ATM: variants seen among roughly 807,000 people sequenced by gnomAD.
ATM encodes the protein ATM serine/threonine kinase.
Under a neutral mutation model 387.0 loss-of-function variants are expected in ATM, and 308 were observed. The observed-to-expected ratio is 0.80, with a 90% CI of 0.73 to 0.87. The LOEUF is 0.87. ATM is among the 40% of genes least tolerant of loss of function. The pLI, the probability that ATM is intolerant of heterozygous loss-of-function variation, is 0.00. For synonymous variants in ATM, 1,156 were observed against 1,187.3 expected, an observed-to-expected ratio of 0.97 and a Z score of 0.54; for missense variants, 3,312 against 3,560.9, an observed-to-expected ratio of 0.93 and a Z score of 1.78.
chr11:108,235,739 G>T lies in ATM; in HGVS notation c.401G>T (p.Gly134Val), dbSNP rs771166271. 1 of 1,612,364 alleles carries T rather than the reference G, an allele frequency of 6.2e-7. No individual in the cohort carries two copies. Among genetic ancestry groups the T allele is most frequent in the African/African-American group, 1.3e-5 (1 of 74,930 alleles). ...IMDTVKDSSN[G>V]AIYGADCSNI... ...GATACAGTGAAAGATTCATCTAATGGTGCTATTTACGGAGCTGATTGTAGC... is the reference window on the plus strand; with the variant it reads ...GATACAGTGAAAGATTCATCTAATGTTGCTATTTACGGAGCTGATTGTAGC... The change falls in exon 5 of 63, where the codon GGT becomes GTT. Residue 134 changes from glycine (G) to valine (V), a missense_variant. Gly to Val is a moderately radical substitution (Grantham distance 109). Around this residue, in one of 4 missense-constraint regions of ATM, gnomAD observed 1,791 missense variants for 1,804.5 expected, o/e 0.99. Transcript: ENST00000675843.
At chr11:108,332,119 A>G in intron 52 of ATM, 82 bp downstream of exon 52, 1 of 1,540,984 alleles carries the variant, frequency 6.5e-7, no homozygotes. Flanking sequence ...ATCTTGTGTT[A>G]TTAAGATGCC....
intron 1 of ATM, chr11:108,225,760 G>A (rs2078706531): frequency 6.6e-6 from 1 of 152,230 alleles, no homozygotes; most frequent in South Asian, 2.1e-4. Context: ...ACAGGCATGA[G>A]CCACCACGCC....
rs876658823 is a variant in ATM at position 108,353,855 on chromosome 11, A to T, written c.8761A>T (p.Thr2921Ser). Residue 2921 changes from threonine to serine, a missense_variant, in exon 60 of 63, where the codon ACG becomes TCG. By Grantham distance (58) the Thr-to-Ser change is moderately conservative. This residue lies in a region of ATM where 1,405 missense variants were observed against 1,604.4 expected (regional missense o/e 0.88). Transcript: ENST00000675843. The stretch of plus-strand genomic sequence containing the variant: ...AGATATTGTGGATGGCATGGGCATT[A>T]CGGGTGTTGAAGGTGTCTTCAGAAG... ...TRDIVDGMGI[T>S]GVEGVFRRCC... 6.2e-7 allele frequency: 1 copy of T among 1,613,820 alleles called. No homozygotes were observed. Among genetic ancestry groups the T allele is most frequent in the Non-Finnish European group, 8.5e-7 (1 of 1,179,788 alleles).
In ATM at chr11:108,365,181, C is replaced by A. The variant is rs747445236; in HGVS notation, c.8950C>A (p.Leu2984Met). The part of the protein sequence containing the change: ...PEDETELHPT[L>M]NADDQECKRN... ...AGATGAAACTGAGCTTCACCCTACT[C>A]TGAATGCAGATGACCAAGAATGCAA... Residue 2984 changes from leucine (L) to methionine (M), a missense_variant, in exon 62 of 63, where the codon CTG becomes ATG. Around this residue, in one of 4 missense-constraint regions of ATM, gnomAD observed 95 missense variants for 100.3 expected, o/e 0.95. Coordinates refer to ENST00000675843, the MANE Select transcript of ATM (RefSeq NM_000051.4). The A allele has an allele frequency of 6.2e-7, 1 of 1,614,116 alleles. No homozygotes were observed. Among genetic ancestry groups the A allele is most frequent in the African/African-American group, 1.3e-5 (1 of 74,948 alleles).
At chr11:108,262,412 A>C (rs1228364199) in intron 16 of ATM, among the ~76,000 whole-genome samples, 1 of 152,186 alleles carries the variant, frequency 6.6e-6, no homozygotes, top group South Asian at 2.1e-4. Flanking sequence ...GAAATAAAAT[A>C]CTTTACAGAC....
intron 26 of ATM, among the ~76,000 whole-genome samples, chr11:108,285,015 A>C (rs916214376): frequency 5.9e-5 from 9 of 152,082 alleles, no homozygotes; most frequent in Non-Finnish European, 1.3e-4. Flanking sequence ...ACTGGAGTGC[A>C]GTGGCATGAT....
chr11:108,263,433 C>T (rs2081032331), intron 16 of ATM, among the ~76,000 whole-genome samples: 6 of 144,706 alleles, frequency 4.1e-5, no homozygotes, highest in African/African-American at 1.5e-4. Context: ...TTCTTTGAAA[C>T]CACCGAGAAC....
Position 108,301,709 on chromosome 11 carries a change from C to T in ATM, c.5239C>T (p.His1747Tyr), listed in dbSNP as rs2135913366. Reference sequence around the variant, plus strand: ...AAACATTTTAGCCACAAAGACTGGACATAGTTTCTGGGAGATTTATAAGAT... The same window carrying T: ...AAACATTTTAGCCACAAAGACTGGATATAGTTTCTGGGAGATTTATAAGAT... ...LKNILATKTG[H>Y]SFWEIYKMTT... Residue 1747 changes from histidine (H) to tyrosine (Y), a missense_variant, in exon 35 of 63, where the codon CAT (histidine) becomes TAT (tyrosine). Transcript: ENST00000675843. 1 of 1,613,694 alleles carries T rather than the reference C, an allele frequency of 6.2e-7. No individual in the cohort carries two copies. The highest frequency in any genetic ancestry group is 8.5e-7 in the Non-Finnish European group (1 of 1,179,780).
intron 32 of ATM, 40 bp downstream of exon 32, chr11:108,295,099 C>T (rs2135839695): frequency 2.5e-6 from 4 of 1,611,698 alleles, no homozygotes; most frequent in Non-Finnish European, 3.4e-6. Flanking sequence ...CTACCTGTTT[C>T]TTTTTGAAAG....
At chr11:108,223,603 CG>C (rs1413455801) in intron 1 of ATM, 1 of 152,206 alleles carries the variant, frequency 6.6e-6, no homozygotes, top group Non-Finnish European at 1.5e-5. Flanking sequence ...GTCGTGTGGC[CG>C]CTCTCTACTG....
intron 5 of ATM, among the ~76,000 whole-genome samples, chr11:108,237,899 G>GTTTTTTTTTTTTTTTT (rs369161623): frequency 3.5e-4 from 32 of 92,010 alleles, no homozygotes; most frequent in Admixed American, 1.1e-3. Context: ...ATTTACTTAG[G>GTTTTTTTTTTTTTTTT]TTTTTTTTTT....
chr11:108,236,360 A>G (rs2079276865), intron 5 of ATM: 1 of 161,378 alleles, frequency 6.2e-6, no homozygotes, highest in African/African-American at 2.4e-5. Context: ...CCTGGGCAAC[A>G]TGGTGAAACT....
intron 57 of ATM, 32 bp from the exon 58 acceptor site, chr11:108,345,711 G>GA (rs1380421501): frequency 1.4e-6 from 2 of 1,468,866 alleles, no homozygotes; most frequent in Non-Finnish European, 1.8e-6. Flanking sequence ...ACACAATATT[G>GA]AAAAATAATT....
At chr11:108,334,158 T>C (rs569369594) in intron 54 of ATM, among the ~76,000 whole-genome samples, 190 bp downstream of exon 54, 2 of 152,264 alleles carry the variant, frequency 1.3e-5, no homozygotes, top group African/African-American at 4.8e-5. Flanking sequence ...CTTCTCCTGC[T>C]TTCTTTTCCA....
In ATM at chr11:108,238,300, AT is replaced by A. The variant is rs573731728; in HGVS notation, c.496+2474del. 4.8e-3 allele frequency among the ~76,000 whole-genome samples: 726 copies of A among 151,336 alleles called. 5 individuals are homozygous for A. The highest frequency in any genetic ancestry group is 0.014 in the Middle Eastern group (4 of 292). On this transcript the variant is annotated intron_variant, in intron 5 of 62. Transcript: ENST00000675843. ...ATAGATTTTTTGTTGTAAATTGACA[AT>A]TTTTTTTCTTTAATTTTATATATTA... is the stretch of plus-strand genomic sequence containing the variant.
In ATM at chr11:108,335,038, G is replaced by A. The variant is rs1555127157; in HGVS notation, c.8080G>A (p.Gly2694Arg). ...QSFKAEFRLA[G>R]GVNLPKIIDC... ...ATTTAAAGCAGAATTTCGCTTAGCA[G>A]GAGGTGTAAATTTACCAAAAATAAT... The change falls in exon 55 of 63, where the codon GGA (glycine) becomes AGA (arginine). Residue 2694 changes from glycine (G) to arginine (R), a missense_variant. This residue lies in a region of ATM where 1,405 missense variants were observed against 1,604.4 expected (regional missense o/e 0.88). Transcript: ENST00000675843. 1 of 1,614,122 alleles carries A rather than the reference G, an allele frequency of 6.2e-7. No homozygotes were observed. Among genetic ancestry groups the A allele is most frequent in the Non-Finnish European group, 8.5e-7 (1 of 1,179,984 alleles).
In ATM at chr11:108,366,010, CAA is replaced by C. The variant is rs1019882319; in HGVS notation, c.*503_*504del. ...TGCCATTGCACTCCAGCCTGGGTGA[CAA>C]GAGCGAAACTCCATCTCAAAAAAAA... On this transcript the variant is annotated 3_prime_UTR_variant, in exon 63 of 63. Coordinates refer to ENST00000675843, the MANE Select transcript of ATM (RefSeq NM_000051.4). 8 of 118,884 alleles carry C rather than the reference CAA, an allele frequency of 6.7e-5. No individual in the cohort carries two copies. The highest frequency in any genetic ancestry group is 1.5e-4 in the East Asian group (1 of 6,886). The allele number at this position is 118,884 out of a possible 1,614,324, so 7.4% of individuals were successfully genotyped here.
At chr11:108,347,724 T>C in intron 59 of ATM, among the ~76,000 whole-genome samples, 1 of 152,108 alleles carries the variant, frequency 6.6e-6, no homozygotes, top group East Asian at 1.9e-4. Flanking sequence ...ATTAAATGTG[T>C]CTGGAGTGAA....
At chr11:108,324,475 G>A (rs940564890) in intron 45 of ATM, among the ~76,000 whole-genome samples, 2 of 152,024 alleles carry the variant, frequency 1.3e-5, no homozygotes, top group African/African-American at 2.4e-5. Flanking sequence ...ATGGTCCAAC[G>A]ATCGAAAGTT....
Sources: allele counts gnomAD v4.1 joint callset (sites outside exome capture counted in the v4.1 genomes callset), GRCh38; gene constraint gnomAD v4.1.1; regional missense constraint gnomAD v4.1.1; transcripts MANE v1.5; gene names NCBI Gene and HGNC (gene_info 2026-07-23, HGNC 2026-07-21).